The following TPR variants were observed in gnomAD, a reference collection of about 807,000 sequenced individuals.
TPR encodes nucleoprotein TPR.
TPR carries 51 observed loss-of-function variants against 316.1 expected under a neutral mutation model. That is an observed-to-expected ratio of 0.16 (90% CI 0.13 to 0.20). The LOEUF (loss-of-function observed/expected upper bound fraction) is 0.20, where lower values mean the gene tolerates loss of function less well. Among genes scored for constraint, TPR ranks in the 10% least tolerant of loss-of-function variants. The probability of loss-of-function intolerance (pLI) is 1.00; values close to 1 mark genes in which losing one functional copy is unlikely to be tolerated. For missense variants in TPR, 2,272 were observed against 2,754.8 expected (o/e 0.82, Z 3.92); for synonymous variants, 981 against 914.7 (o/e 1.07, Z -1.31).
At chr1:186,360,477 A>C in intron 10 of TPR, 113 bp from the exon 11 acceptor site, 2 of 1,118,524 alleles carry the variant, frequency 1.8e-6, no homozygotes, top group Non-Finnish European at 2.5e-6. Flanking sequence ...ATTCCTATAA[A>C]AATTTTAAAT....
At chr1:186,330,840 G>A (rs1450147929) in intron 39 of TPR, among the ~76,000 whole-genome samples, 3 of 152,118 alleles carry the variant, frequency 2.0e-5, no homozygotes, top group African/African-American at 7.2e-5. Context: ...AGGAAGAAAG[G>A]AAAGTAATAA....
At chr1:186,332,916 T>C (rs895127444) in intron 37 of TPR, among the ~76,000 whole-genome samples, 3 of 152,136 alleles carry the variant, frequency 2.0e-5, no homozygotes, top group Admixed American at 1.3e-4. Context: ...ATGTTAGTAA[T>C]ATATTCATTC....
chr1:186,337,675 G>T (rs1011220521), intron 31 of TPR, among the ~76,000 whole-genome samples: 19 of 151,710 alleles, frequency 1.3e-4, no homozygotes, highest in Non-Finnish European at 2.4e-4. Flanking sequence ...ATATAACAAA[G>T]ATTTCTGAAT....
At position 186,318,777 on chromosome 1, in the gene TPR, C is replaced by A; in HGVS notation, c.6620G>T (p.Gly2207Val). Reference sequence around the variant, plus strand: ...TGGAGTAGTGGGAACACTTCGGCCACCTGACTCTTCTTCATGAGCTAGGAA... The same window carrying A: ...TGGAGTAGTGGGAACACTTCGGCCAACTGACTCTTCTTCATGAGCTAGGAA... ...PLFLAHEEES[G>V]GRSVPTTPLQ... The change falls in exon 47 of 51, where the codon GGT (glycine) becomes GTT (valine). Residue 2207 changes from glycine to valine, a missense_variant. Coordinates refer to ENST00000367478, the MANE Select transcript of TPR (RefSeq NM_003292.3). 6.2e-7 allele frequency: 1 copy of A among 1,614,118 alleles called. No homozygotes were observed. The highest frequency in any genetic ancestry group is 8.5e-7 in the Non-Finnish European group (1 of 1,180,028).
intron 46 of TPR, 62 bp downstream of exon 46, chr1:186,320,250 A>G: frequency 7.3e-7 from 1 of 1,378,836 alleles, no homozygotes; most frequent in Non-Finnish European, 9.9e-7. Flanking sequence ...CTTAAATCAC[A>G]TCTTAATAGT....
rs937633558 is a variant in TPR, at chr1:186,318,581, G to A, written c.6687C>T (p.Thr2229=). The change falls in exon 48 of 51, where the codon ACC becomes ACT. Residue 2229 remains threonine (T), a synonymous_variant. Coordinates refer to ENST00000367478, the MANE Select transcript of TPR (RefSeq NM_003292.3). ...AGGCATGTTCCGAAGCATCAGAGGT[G>A]GTGCTCTCAGTAAATACAGTCACTT... The part of the protein sequence containing the change: ...AAPVTVFTES[T]TSDASEHASQ... 1.2e-5 allele frequency: 20 copies of A among 1,611,986 alleles called. No homozygotes were observed. The Middle Eastern group carries it at 4.9e-4, about 40-fold the overall frequency.
At chr1:186,346,364 A>C in intron 22 of TPR, 77 bp from the exon 23 acceptor site, 2 of 1,379,670 alleles carry the variant, frequency 1.4e-6, no homozygotes, top group East Asian at 2.4e-5. Flanking sequence ...CCAAATCAAA[A>C]CTAATTTGAG....
intron 36 of TPR, 65 bp from the exon 37 acceptor site, chr1:186,333,459 C>T (rs1201299215): frequency 5.1e-6 from 8 of 1,568,266 alleles, no homozygotes; most frequent in African/African-American, 2.7e-5. Flanking sequence ...ATTATCCTTC[C>T]TATTCTGTGG....
chr1:186,360,458 T>C, intron 10 of TPR, 94 bp from the exon 11 acceptor site: 1 of 1,249,012 alleles, frequency 8.0e-7, no homozygotes, highest in Non-Finnish European at 1.1e-6. Context: ...TACTGTACAT[T>C]ATATAGTAAT....
Position 186,312,432 on chromosome 1 carries a change from T to C in TPR, c.*1539A>G, listed in dbSNP as rs1411003466. The C allele has an allele frequency of 6.9e-7, 1 of 1,449,784 alleles. No individual in the cohort carries two copies. The highest frequency in any genetic ancestry group is 9.4e-7 in the Non-Finnish European group (1 of 1,059,142). 89.8% of individuals were successfully genotyped at this position (1,449,784 alleles called of 1,614,324 possible). A position where few individuals can be genotyped will look rare whatever the true frequency, so the allele number is the denominator to read the frequency against. ...CATAAGTAGATGTAATACAGTTTCT[T>C]ATACAGTAAGGCTTATGAAATATGG... On this transcript the variant is annotated 3_prime_UTR_variant, in exon 51 of 51. Coordinates refer to ENST00000367478, the MANE Select transcript of TPR (RefSeq NM_003292.3).
At chr1:186,341,439 G>T (rs1658503190) in intron 27 of TPR, 50 bp from the exon 28 acceptor site, 3 of 1,572,822 alleles carry the variant, frequency 1.9e-6, no homozygotes, top group African/African-American at 1.4e-5. Flanking sequence ...ATAGTTGAAA[G>T]TCTACCTGTT....
intron 18 of TPR, among the ~76,000 whole-genome samples, chr1:186,353,368 T>C (rs2101977274): frequency 6.7e-6 from 1 of 149,396 alleles, no homozygotes; most frequent in African/African-American, 2.5e-5. Context: ...TGAGACTCTG[T>C]CTCAAGAAAA....
At chr1:186,323,990 T>G in intron 42 of TPR, 120 bp from the exon 43 acceptor site, 1 of 1,043,170 alleles carries the variant, frequency 9.6e-7, no homozygotes, top group Non-Finnish European at 1.3e-6. Flanking sequence ...TTTTCAGAAG[T>G]AAAGTAGTGA....
chr1:186,329,644 T>C (rs987622990), intron 39 of TPR, among the ~76,000 whole-genome samples: 2 of 152,152 alleles, frequency 1.3e-5, no homozygotes, highest in Non-Finnish European at 2.9e-5. Context: ...TGTTGGCACC[T>C]AAAAAGTTTT....
chr1:186,363,037 A>AGAT (rs1659242162), intron 5 of TPR, 36 bp from the exon 6 acceptor site: 1 of 1,563,574 alleles, frequency 6.4e-7, no homozygotes, highest in Admixed American at 2.1e-5. Flanking sequence ...GTACAGTTAA[A>AGAT]GATGATATAT....
intron 3 of TPR, 63 bp from the exon 4 acceptor site, chr1:186,368,045 G>T: frequency 8.3e-7 from 1 of 1,197,640 alleles, no homozygotes; most frequent in Non-Finnish European, 1.2e-6. Context: ...AGCGAACATA[G>T]AATTGTCACT....
chr1:186,323,620 T>C, intron 43 of TPR, 66 bp downstream of exon 43: 2 of 1,351,268 alleles, frequency 1.5e-6, no homozygotes, highest in Non-Finnish European at 1.9e-6. Flanking sequence ...AAATACATAA[T>C]GGAAAGGGAG....
Position 186,375,038 on chromosome 1 carries a change from G to A in TPR, c.-10C>T, listed in dbSNP as rs1659670900. On this transcript the variant is annotated 5_prime_UTR_variant, in exon 1 of 51. Transcript: ENST00000367478. Reference sequence around the variant, plus strand: ...GCAACACCGCCGCCATGTCGGTGGGGCCAGGGACCCCAGTGGCAGCGGCCG... The same window carrying A: ...GCAACACCGCCGCCATGTCGGTGGGACCAGGGACCCCAGTGGCAGCGGCCG... 1 of 1,613,962 alleles carries A rather than the reference G, an allele frequency of 6.2e-7. No individual in the cohort carries two copies. Among genetic ancestry groups the A allele is most frequent in the Non-Finnish European group, 8.5e-7 (1 of 1,180,016 alleles).
intron 49 of TPR, among the ~76,000 whole-genome samples, chr1:186,317,225 T>C (rs769458260): frequency 6.6e-6 from 1 of 152,308 alleles, no homozygotes; most frequent in Non-Finnish European, 1.5e-5. Context: ...CAACCAATAG[T>C]CTAGATGAAA....
Sources: gnomAD v4.1 joint callset for allele counts (sites outside exome capture counted in the v4.1 genomes callset) on GRCh38, gnomAD v4.1.1 for gene constraint, MANE v1.5 for transcripts, NCBI Gene and HGNC (gene_info 2026-07-23, HGNC 2026-07-21) for gene names.